The following IFNLR1 variants were observed in gnomAD, a reference collection of about 807,000 sequenced individuals.
The protein encoded by IFNLR1 is interferon lambda receptor 1.
IFNLR1 carries 28 observed loss-of-function variants against 52.5 expected under a neutral mutation model. The ratio of observed to expected loss-of-function variants is 0.53; its 90% CI spans 0.40 to 0.73. The LOEUF (loss-of-function observed/expected upper bound fraction) is 0.73, where lower values mean the gene tolerates loss of function less well. Ranked by LOEUF, IFNLR1 falls within the 30% of genes least tolerant of loss-of-function variation. IFNLR1 has a pLI of 0.00. For missense variants in IFNLR1, 623 were observed against 659.1 expected (o/e 0.95, Z 0.60); for synonymous variants, 276 against 274.9 (o/e 1.00, Z -0.04).
Position 24,154,493 on chromosome 1 carries a change from T to C in IFNLR1, c.*2637A>G, listed in dbSNP as rs1644359310. 6.6e-6 allele frequency: 1 copy of C among 152,256 alleles called. No individual in the cohort carries two copies. The highest frequency in any genetic ancestry group is 2.4e-5 in the African/African-American group (1 of 41,474). The allele number at this position is 152,256 out of a possible 1,614,324, so 9.4% of individuals were successfully genotyped here. On this transcript the variant is annotated 3_prime_UTR_variant, in exon 7 of 7. Coordinates refer to ENST00000327535, the MANE Select transcript of IFNLR1 (RefSeq NM_170743.4). ...TACTGATTATCATGCCCTTTCCAAATGCTTCTCCTGGCTTTTTGTGAATGA... is the reference window on the plus strand; with the variant it reads ...TACTGATTATCATGCCCTTTCCAAACGCTTCTCCTGGCTTTTTGTGAATGA...
chr1:24,164,382 T>C (rs1222680279), intron 3 of IFNLR1, among the ~76,000 whole-genome samples: 1 of 152,224 alleles, frequency 6.6e-6, no homozygotes, highest in African/African-American at 2.4e-5. Flanking sequence ...AACAGCCTTC[T>C]TTGATTTCAT....
intron 1 of IFNLR1, among the ~76,000 whole-genome samples, chr1:24,184,967 C>T (rs544236144): frequency 2.6e-5 from 4 of 151,982 alleles, no homozygotes; most frequent in East Asian, 3.9e-4. Context: ...TGCAGTGAGC[C>T]GAGATTGCGC....
intron 1 of IFNLR1, among the ~76,000 whole-genome samples, chr1:24,184,972 T>C (rs981131209): frequency 5.9e-5 from 9 of 152,072 alleles, no homozygotes; most frequent in Non-Finnish European, 1.3e-4. Flanking sequence ...TGAGCCGAGA[T>C]TGCGCCACTG....
chr1:24,162,786 CT>C lies in IFNLR1; in HGVS notation c.368-1103del, dbSNP rs1251743381. Among the ~76,000 whole-genome samples, 477 of 61,488 alleles carry C rather than the reference CT, an allele frequency of 7.8e-3. 43 individuals carry two copies. Among genetic ancestry groups the C allele is most frequent in the Middle Eastern group, 0.042 (5 of 118 alleles). The allele number at this position is 61,488 out of a possible 152,430, so 40.3% of individuals were successfully genotyped here. A position where few individuals can be genotyped will look rare whatever the true frequency, so the allele number is the denominator to read the frequency against. ...TTTCTTTCTTTCTTTCTTTTTCTTT[CT>C]TTTTCTTTCTTTCTTTTTTCTTTCT... On this transcript the variant is annotated intron_variant, in intron 3 of 6. Coordinates refer to ENST00000327535, the MANE Select transcript of IFNLR1 (RefSeq NM_170743.4).
intron 3 of IFNLR1, among the ~76,000 whole-genome samples, chr1:24,163,003 C>T (rs1421266340): frequency 7.3e-6 from 1 of 137,186 alleles, no homozygotes; most frequent in East Asian, 2.5e-4. Context: ...CTCTATCACC[C>T]AGGCTGGAGT....
intron 2 of IFNLR1, among the ~76,000 whole-genome samples, chr1:24,173,013 C>T (rs1557649787): frequency 2.6e-5 from 4 of 151,428 alleles, no homozygotes; most frequent in African/African-American, 9.7e-5. Flanking sequence ...GGCTCATCTC[C>T]AAATAGTCAC....
intron 3 of IFNLR1, among the ~76,000 whole-genome samples, chr1:24,165,829 G>A (rs756246496): frequency 2.0e-5 from 3 of 152,152 alleles, no homozygotes; most frequent in Non-Finnish European, 1.5e-5. Flanking sequence ...AGGGGAATGC[G>A]GAGATGAGGC....
rs929926124 is a variant in IFNLR1, at chr1:24,177,439, A to T, written c.182+3292T>A. Among the ~76,000 whole-genome samples, 44 of 152,164 alleles carry T rather than the reference A, an allele frequency of 2.9e-4. 1 individual carries two copies. Among genetic ancestry groups the T allele is most frequent in the African/African-American group, 1.1e-3 (44 of 41,432 alleles). The stretch of plus-strand genomic sequence containing the variant: ...AAGTCCAAGAGTCTAAAGGCCAAAA[A>T]ACCCGGAGTGTGATGTTCAAGGGCA... On this transcript the variant is annotated intron_variant, in intron 2 of 6. Transcript: ENST00000327535.
chr1:24,170,959 A>G (rs1644572799), intron 2 of IFNLR1, among the ~76,000 whole-genome samples: 1 of 152,216 alleles, frequency 6.6e-6, no homozygotes, highest in African/African-American at 2.4e-5. Flanking sequence ...CTTCATGGAA[A>G]ATGTTATACT....
intron 1 of IFNLR1, among the ~76,000 whole-genome samples, chr1:24,183,249 T>C (rs964628975): frequency 6.6e-6 from 1 of 152,034 alleles, no homozygotes; most frequent in Non-Finnish European, 1.5e-5. Flanking sequence ...AAGAGCTTTA[T>C]GGTAGAAACA....
At chr1:24,166,724 T>C (rs1644524319) in intron 3 of IFNLR1, among the ~76,000 whole-genome samples, 1 of 152,024 alleles carries the variant, frequency 6.6e-6, no homozygotes, top group South Asian at 2.1e-4. Context: ...TTTAATTTTT[T>C]TTTTTTTTTG....
At chr1:24,170,094 G>A (rs573061987) in intron 2 of IFNLR1, among the ~76,000 whole-genome samples, 1 of 152,332 alleles carries the variant, frequency 6.6e-6, no homozygotes, top group East Asian at 1.9e-4. Context: ...TCTGCCACGT[G>A]AGGACACAGT....
rs777541683 is a variant in IFNLR1, at chr1:24,157,573, G to T, written c.1120C>A (p.Leu374Met). ...GVDSGRPRAP[L>M]VPSEGSSAWD... The stretch of plus-strand genomic sequence containing the variant: ...GCAGAGGAGCCTTCGCTTGGGACCA[G>T]AGGAGCCCTGGGCCTCCCTGAGTCC... The change falls in exon 7 of 7, where the codon CTG (leucine) becomes ATG (methionine). Residue 374 changes from leucine (L) to methionine (M), a missense_variant. Transcript: ENST00000327535. The surrounding 1 kb of genome is among the most constrained non-coding windows in gnomAD (Gnocchi z 5.1). 15 of 1,612,108 alleles carry T rather than the reference G, an allele frequency of 9.3e-6. No homozygotes were observed. In the South Asian group the frequency reaches 1.7e-4, roughly 18 times the overall value.
At chr1:24,171,724 T>G (rs966657035) in intron 2 of IFNLR1, among the ~76,000 whole-genome samples, 2 of 152,052 alleles carry the variant, frequency 1.3e-5, no homozygotes, top group African/African-American at 4.8e-5. Flanking sequence ...TGGTGCAATC[T>G]CGGCTCACTG....
rs1231235603 is a variant in IFNLR1 at position 24,157,140 on chromosome 1, A to G, written c.1553T>C (p.Met518Thr). ...EDRGRTLGHY[M>T]AR ...ATGTCGGGGGACAGCTCACCTGGCC[A>G]TGTAATGCCCCAATGTCCGGCCCCT... Residue 518 changes from methionine (M) to threonine (T), a missense_variant, in exon 7 of 7, where the codon ATG becomes ACG. Physicochemically the swap from Met to Thr is moderately conservative, Grantham distance 81 (BLOSUM62 -1). Transcript: ENST00000327535. This position sits in a 1 kb window ranked among gnomAD's most constrained non-coding sequence, Gnocchi z 5.1. The G allele has an allele frequency of 6.2e-7, 1 of 1,609,700 alleles. No individual in the cohort carries two copies. The highest frequency in any genetic ancestry group is 1.7e-5 in the Admixed American group (1 of 59,728).
chr1:24,176,818 C>A (rs1354477418), intron 2 of IFNLR1, among the ~76,000 whole-genome samples: 1 of 152,114 alleles, frequency 6.6e-6, no homozygotes. Context: ...CACCATGTTG[C>A]CCAGGCTGGT....
rs1369023550 is a variant in IFNLR1 at position 24,180,874 on chromosome 1, C to A, written c.59-20G>T. On this transcript the variant is annotated intron_variant, in intron 1 of 6. Transcript: ENST00000327535. ...GCCTCCCTGGGGGAAAGAAAGGGGT[C>A]ATGAAGCCTGGAGCTCCTGGCTGGT... 1.2e-6 allele frequency: 2 copies of A among 1,610,072 alleles called. No individual in the cohort carries two copies. The highest frequency in any genetic ancestry group is 1.1e-5 in the South Asian group (1 of 90,766).
In IFNLR1 at chr1:24,159,524, G is replaced by C. The variant is rs150448715; in HGVS notation, c.620C>G (p.Pro207Arg). 4 of 1,614,076 alleles carry C rather than the reference G, an allele frequency of 2.5e-6. No homozygotes were observed. In the Admixed American group the frequency reaches 6.7e-5, roughly 27 times the overall value. The change falls in exon 5 of 7, where the codon CCG (proline) becomes CGG (arginine). Residue 207 changes from proline (P) to arginine (R), a missense_variant. Coordinates refer to ENST00000327535, the MANE Select transcript of IFNLR1 (RefSeq NM_170743.4). Reference sequence around the variant, plus strand: ...GGGCTTAGAGAACTTGCTGTATTTCGGGACACTGAACGTGTAGATGGTTCT... The same window carrying C: ...GGGCTTAGAGAACTTGCTGTATTTCCGGACACTGAACGTGTAGATGGTTCT... ...SARTIYTFSV[P>R]KYSKFSKPTC...
intron 3 of IFNLR1, 46 bp downstream of exon 3, chr1:24,169,371 G>C (rs764583278): frequency 1.2e-5 from 19 of 1,549,746 alleles, no homozygotes; most frequent in Non-Finnish European, 1.7e-5. Flanking sequence ...ACAGCTCCCC[G>C]ATGGGATGGA....
Sources: allele counts gnomAD v4.1 joint callset (sites outside exome capture counted in the v4.1 genomes callset), GRCh38; gene constraint gnomAD v4.1.1; non-coding constraint Gnocchi (gnomAD v3.1); transcripts MANE v1.5; gene names NCBI Gene and HGNC (gene_info 2026-07-23, HGNC 2026-07-21).